The following KIAA1328 variants were observed in gnomAD, a reference collection of about 807,000 sequenced individuals.
The protein encoded by KIAA1328 is protein hinderin.
A neutral mutation model predicts 68.1 loss-of-function variants in KIAA1328; 52 were observed. The ratio of observed to expected loss-of-function variants is 0.76; its 90% confidence interval spans 0.61 to 0.96. The LOEUF (loss-of-function observed/expected upper bound fraction) is 0.96, where lower values mean the gene tolerates loss of function less well. KIAA1328 is among the 40% of genes least tolerant of loss of function. The probability of loss-of-function intolerance (pLI) is 0.00; values close to 1 mark genes in which losing one functional copy is unlikely to be tolerated. For missense variants in KIAA1328, 641 were observed against 677.6 expected, an observed-to-expected ratio of 0.95 and a Z score of 0.60; for synonymous variants, 232 against 239.4, an observed-to-expected ratio of 0.97 and a Z score of 0.28.
chr18:37,072,111 A>G (rs887597053), intron 7 of KIAA1328, among the ~76,000 whole-genome samples: 17 of 152,148 alleles, frequency 1.1e-4, no homozygotes, highest in Middle Eastern at 3.4e-3. Flanking sequence ...ATTTTTTTCT[A>G]TTGTTCTTCC....
At chr18:37,225,974 T>A (rs1056066458), downstream of KIAA1328, among the ~76,000 whole-genome samples, 1 of 152,216 alleles carries the variant, frequency 6.6e-6, no homozygotes, top group Admixed American at 6.5e-5. Flanking sequence ...TTTAGGAATC[T>A]GGAGACCCAG....
At chr18:36,919,936 T>TA (rs1310191261) in intron 5 of KIAA1328, among the ~76,000 whole-genome samples, 4 of 152,164 alleles carry the variant, frequency 2.6e-5, no homozygotes, top group Non-Finnish European at 5.9e-5. Flanking sequence ...TTTGCTTGTT[T>TA]AACTTCTTAA....
In KIAA1328 at chr18:37,222,109, G is replaced by A. The variant is rs766487316; in HGVS notation, c.1616G>A (p.Trp539Ter). The A allele has an allele frequency of 1.2e-6, 2 of 1,613,292 alleles. No homozygotes were observed. The highest frequency in any genetic ancestry group is 1.7e-5 in the Admixed American group (1 of 59,948). The change falls in exon 10 of 10, where the codon TGG becomes TAG. Residue 539 changes from tryptophan (W) to a stop codon, truncating the protein, a stop_gained. Coordinates refer to ENST00000280020, the MANE Select transcript of KIAA1328 (RefSeq NM_020776.3). LOFTEE classifies it high-confidence loss of function. Reference sequence around the variant, plus strand: ...TATCCCTCCAGAGAAGCTGGGGCCTGGAATCATGGTACTTTCCGACTCAGT... The same window carrying A: ...TATCCCTCCAGAGAAGCTGGGGCCTAGAATCATGGTACTTTCCGACTCAGT... ...QRYPSREAGA[W>*]NHGTFRLSPL...
At chr18:36,980,556 T>C (rs9963828) in intron 6 of KIAA1328, among the ~76,000 whole-genome samples, 111,402 of 152,092 alleles carry the variant, frequency 0.73, 43,954 homozygotes, top group South Asian at 0.89. Context: ...CTCACTGTTA[T>C]ACATTTAGAA....
intron 9 of KIAA1328, among the ~76,000 whole-genome samples, chr18:37,202,326 A>G (rs2154219481): frequency 6.6e-6 from 1 of 152,296 alleles, no homozygotes; most frequent in Middle Eastern, 3.4e-3. Flanking sequence ...GCTCTGCTTT[A>G]TATTGGGTTG....
At chr18:37,028,591 T>C (rs2054692030) in intron 6 of KIAA1328, among the ~76,000 whole-genome samples, 1 of 152,072 alleles carries the variant, frequency 6.6e-6, no homozygotes, top group South Asian at 2.1e-4. Flanking sequence ...ATGGATGTCC[T>C]TGTCTTGTTC....
chr18:37,118,768 C>T (rs170452), intron 7 of KIAA1328, among the ~76,000 whole-genome samples: 15 of 152,000 alleles, frequency 9.9e-5, no homozygotes, highest in Admixed American at 7.9e-4. Flanking sequence ...AAATTTTGCT[C>T]GCAGGTCAGC....
intron 7 of KIAA1328, among the ~76,000 whole-genome samples, chr18:37,135,422 C>T (rs192260683): frequency 3.7e-4 from 56 of 152,080 alleles, no homozygotes; most frequent in Non-Finnish European, 7.7e-4. Flanking sequence ...TATCTCATTA[C>T]GGTTTTGATT....
At chr18:36,962,619 G>A (rs1214775351) in intron 6 of KIAA1328, among the ~76,000 whole-genome samples, 1 of 152,056 alleles carries the variant, frequency 6.6e-6, no homozygotes, top group Non-Finnish European at 1.5e-5. Context: ...ACAACAAACT[G>A]TCTCAGACAA....
Position 37,019,901 on chromosome 18 carries a change from G to T in KIAA1328, c.577-46989G>T, listed in dbSNP as rs1224364941. Among the ~76,000 whole-genome samples the T allele has an allele frequency of 3.3e-5, 5 of 152,188 alleles. No individual in the cohort carries two copies. In the South Asian group the frequency reaches 8.3e-4, roughly 25 times the overall value. On this transcript the variant is annotated intron_variant, in intron 6 of 9. Coordinates refer to ENST00000280020, the MANE Select transcript of KIAA1328 (RefSeq NM_020776.3). ...GGGTACAACAAATGTCTGATGATTTGCCTGGGCATGAAGGAGAGAGGGTCT... is the reference window on the plus strand; with the variant it reads ...GGGTACAACAAATGTCTGATGATTTTCCTGGGCATGAAGGAGAGAGGGTCT...
intron 6 of KIAA1328, among the ~76,000 whole-genome samples, chr18:36,970,389 C>T (rs533008381): frequency 2.4e-4 from 36 of 152,254 alleles, no homozygotes; most frequent in African/African-American, 7.2e-4. Context: ...CCTTTGAAAA[C>T]GGGCACAAGA....
At chr18:36,866,725 G>A (rs985294882) in intron 4 of KIAA1328, among the ~76,000 whole-genome samples, 1 of 152,088 alleles carries the variant, frequency 6.6e-6, no homozygotes, top group African/African-American at 2.4e-5. Flanking sequence ...AGAATGACTA[G>A]GAGGCTGAAG....
intron 7 of KIAA1328, among the ~76,000 whole-genome samples, chr18:37,130,577 C>T (rs1443377983): frequency 6.6e-6 from 1 of 151,754 alleles, no homozygotes; most frequent in Admixed American, 6.6e-5. Flanking sequence ...AAGATTGCTC[C>T]ACTGCACTCC....
intron 6 of KIAA1328, among the ~76,000 whole-genome samples, chr18:37,016,308 G>T (rs1392353632): frequency 6.6e-6 from 1 of 152,120 alleles, no homozygotes; most frequent in Non-Finnish European, 1.5e-5. Flanking sequence ...TTATTAAATT[G>T]TATTTGTTGA....
intron 5 of KIAA1328, chr18:36,901,999 A>G (rs1367106493): frequency 1.3e-5 from 2 of 151,824 alleles, no homozygotes; most frequent in Admixed American, 6.6e-5. Context: ...TTTCTCTATA[A>G]TCTCTTAAAA....
intron 4 of KIAA1328, among the ~76,000 whole-genome samples, chr18:36,858,239 A>G (rs1274064717): frequency 2.6e-5 from 4 of 152,312 alleles, no homozygotes; most frequent in African/African-American, 9.6e-5. Flanking sequence ...CTATTTTATC[A>G]TCACATGCCC....
chr18:36,963,160 G>A (rs2051766722), intron 6 of KIAA1328, among the ~76,000 whole-genome samples: 2 of 152,194 alleles, frequency 1.3e-5, no homozygotes, highest in Non-Finnish European at 2.9e-5. Flanking sequence ...GGCAGAGGAA[G>A]GTGGCATCTA....
At chr18:37,093,612 A>G (rs2057325595) in intron 7 of KIAA1328, among the ~76,000 whole-genome samples, 1 of 152,212 alleles carries the variant, frequency 6.6e-6, no homozygotes, top group Admixed American at 6.5e-5. Context: ...AAAAGAAAGA[A>G]TAGAAACAAG....
chr18:37,010,441 T>TAAAAAAA (rs59927777), intron 6 of KIAA1328, among the ~76,000 whole-genome samples: 1,179 of 90,234 alleles, frequency 0.013, 40 homozygotes, highest in Non-Finnish European at 0.019. Flanking sequence ...AGACACCATC[T>TAAAAAAA]AAAAAAAAAA....
Sources: allele counts gnomAD v4.1 joint callset (sites outside exome capture counted in the v4.1 genomes callset), GRCh38; gene constraint gnomAD v4.1.1; transcripts MANE v1.5; gene names NCBI Gene and HGNC (gene_info 2026-07-23, HGNC 2026-07-21).